Variants in R3HDM1 observed in about 807,000 individuals in gnomAD.
The protein encoded by R3HDM1 is R3H domain-containing protein 1.
A neutral mutation model predicts 141.1 loss-of-function variants in R3HDM1; 46 were observed. That is an observed-to-expected ratio of 0.33 (90% CI 0.26 to 0.42). The LOEUF (loss-of-function observed/expected upper bound fraction) is 0.42. Among genes scored for constraint, R3HDM1 ranks in the 10% least tolerant of loss-of-function variants. R3HDM1 has a pLI of 1.00. For missense variants in R3HDM1, 1,184 were observed against 1,368.3 expected (o/e 0.87, Z 2.12); for synonymous variants, 435 against 472.9 (o/e 0.92, Z 1.04).
chr2:135,670,281 G>T, intron 19 of R3HDM1: 3 of 983,356 alleles, frequency 3.1e-6, no homozygotes, highest in Non-Finnish European at 3.6e-6. Context: ...ACAGGGATTT[G>T]GGGCCAAATT....
rs1289578562 is a variant in R3HDM1, at chr2:135,723,825, A to ATT, written c.3050-109_3050-108dup. Reference sequence around the variant, plus strand: ...AAAAAAGATGGCCCTAACAGTTTTAATTTTGTGTATTCGAATGGTCATTTC... The same window carrying ATT: ...AAAAAAGATGGCCCTAACAGTTTTAATTTTTTGTGTATTCGAATGGTCATTTC... On this transcript the variant is annotated intron_variant, in intron 26 of 26. Coordinates refer to ENST00000683871, the MANE Select transcript of R3HDM1 (RefSeq NM_001378107.1). 7.6e-5 allele frequency: 41 copies of ATT among 537,360 alleles called. No homozygotes were observed. The East Asian group carries it at 1.6e-3, about 21-fold the overall frequency. 33.3% of individuals were successfully genotyped at this position (537,360 alleles called of 1,614,324 possible).
intron 1 of R3HDM1, among the ~76,000 whole-genome samples, chr2:135,532,909 T>G (rs1336232357): frequency 2.0e-5 from 3 of 152,242 alleles, no homozygotes; most frequent in African/African-American, 7.2e-5. Context: ...AATCATGGAT[T>G]CTATAGTCTG....
At chr2:135,572,936 A>G (rs1704475251) in intron 1 of R3HDM1, among the ~76,000 whole-genome samples, 1 of 152,216 alleles carries the variant, frequency 6.6e-6, no homozygotes, top group South Asian at 2.1e-4. Flanking sequence ...CCATTTATAT[A>G]AAATGCCTAG....
At chr2:135,624,706 A>G (rs1232443280) in intron 7 of R3HDM1, among the ~76,000 whole-genome samples, 1 of 152,264 alleles carries the variant, frequency 6.6e-6, no homozygotes, top group East Asian at 1.9e-4. Flanking sequence ...GGGCCATACC[A>G]TAATGAGATT....
At chr2:135,541,238 T>C (rs867509651) in intron 1 of R3HDM1, among the ~76,000 whole-genome samples, 142 of 152,236 alleles carry the variant, frequency 9.3e-4, no homozygotes, top group African/African-American at 3.0e-3. Flanking sequence ...TCTTGCTCTG[T>C]CACCCAGGCT....
At chr2:135,562,020 A>G (rs1035112696) in intron 1 of R3HDM1, among the ~76,000 whole-genome samples, 3 of 152,226 alleles carry the variant, frequency 2.0e-5, no homozygotes, top group African/African-American at 7.2e-5. Flanking sequence ...GTCTAGAGGA[A>G]TGGTCACCAG....
At chr2:135,616,877 T>C in intron 5 of R3HDM1, 120 bp downstream of exon 5, 1 of 843,204 alleles carries the variant, frequency 1.2e-6, no homozygotes, top group Non-Finnish European at 1.8e-6. Context: ...TATTCAATAA[T>C]ACTTGGCACC....
chr2:135,680,411 G>T, intron 21 of R3HDM1, 87 bp downstream of exon 21: 1 of 1,398,188 alleles, frequency 7.2e-7, no homozygotes, highest in South Asian at 1.3e-5. Flanking sequence ...TTGACTAAGG[G>T]GCATTACTTG....
intron 16 of R3HDM1, among the ~76,000 whole-genome samples, chr2:135,645,947 A>G (rs2064348947): frequency 6.6e-6 from 1 of 152,190 alleles, no homozygotes; most frequent in South Asian, 2.1e-4. Flanking sequence ...CATCCATTCT[A>G]CCTACCCTAT....
chr2:135,555,273 G>A (rs1053842220), intron 1 of R3HDM1, among the ~76,000 whole-genome samples: 4 of 149,726 alleles, frequency 2.7e-5, no homozygotes, highest in African/African-American at 9.9e-5. Context: ...CTCCAGCCTG[G>A]TGACAGAGCA....
chr2:135,639,002 A>G lies in R3HDM1; in HGVS notation c.1099A>G (p.Ser367Gly), dbSNP rs752986560. Residue 367 changes from serine to glycine, a missense_variant, in exon 14 of 27, where the codon AGC becomes GGC. Physicochemically the swap from Ser to Gly is moderately conservative, Grantham distance 56 (BLOSUM62 0). Transcript: ENST00000683871. The part of the protein sequence containing the change: ...PRPWSSTDSD[S>G]SLRNLKPAVT... ...ACCCTGGAGCAGCACAGATTCAGACAGCTCTCTTCGAAACCTGAAACCTGC... is the reference window on the plus strand; with the variant it reads ...ACCCTGGAGCAGCACAGATTCAGACGGCTCTCTTCGAAACCTGAAACCTGC... 1.2e-6 allele frequency: 2 copies of G among 1,614,220 alleles called. No individual in the cohort carries two copies. Among genetic ancestry groups the G allele is most frequent in the Non-Finnish European group, 1.7e-6 (2 of 1,180,034 alleles).
In R3HDM1 at chr2:135,616,543, G is replaced by A. The variant is rs556406096; in HGVS notation, c.214-125G>A. On this transcript the variant is annotated intron_variant, in intron 4 of 26. Transcript: ENST00000683871. ...TAGTGTTTAATGATATATTTAACTT[G>A]CACATTTCATCTACTGTTATACATG... 5.3e-6 allele frequency: 4 copies of A among 748,212 alleles called. No individual in the cohort carries two copies. In the South Asian group the frequency reaches 8.9e-5, roughly 17 times the overall value. 46.3% of individuals were successfully genotyped at this position (748,212 alleles called of 1,614,324 possible). A position where few individuals can be genotyped will look rare whatever the true frequency, so the allele number is the denominator to read the frequency against.
chr2:135,563,967 C>G (rs1369286587), intron 1 of R3HDM1, among the ~76,000 whole-genome samples: 1 of 152,090 alleles, frequency 6.6e-6, no homozygotes, highest in Non-Finnish European at 1.5e-5. Flanking sequence ...ATGGTGAGAG[C>G]AGGAGCAAGA....
intron 21 of R3HDM1, among the ~76,000 whole-genome samples, chr2:135,702,744 G>T (rs1038206317): frequency 1.4e-4 from 21 of 151,964 alleles, no homozygotes; most frequent in African/African-American, 5.1e-4. Flanking sequence ...TTGAACTTGG[G>T]AGGTGGAGGT....
chr2:135,545,648 A>C (rs183447449), intron 1 of R3HDM1, among the ~76,000 whole-genome samples: 1 of 152,304 alleles, frequency 6.6e-6, no homozygotes, highest in Admixed American at 6.5e-5. Flanking sequence ...AAAAGTACAT[A>C]AAGAATACTG....
rs367765046 is a variant in R3HDM1 at position 135,639,085 on chromosome 2, T to G, written c.1182T>G (p.Ser394=). 3.3e-5 allele frequency: 53 copies of G among 1,614,082 alleles called. No individual in the cohort carries two copies. The highest frequency in any genetic ancestry group is 4.2e-5 in the Non-Finnish European group (50 of 1,180,028). The change falls in exon 14 of 27, where the codon TCT becomes TCG. Residue 394 remains serine (S), a synonymous_variant. Coordinates refer to ENST00000683871, the MANE Select transcript of R3HDM1 (RefSeq NM_001378107.1). The part of the protein sequence containing the change: ...GISVLTRGDS[S]GSSKSIGRLS... ...CAGTCCTGACAAGAGGTGATAGTTCTGGAAGCAGCAAAAGCATAGGCAGGC... is the reference window on the plus strand; with the variant it reads ...CAGTCCTGACAAGAGGTGATAGTTCGGGAAGCAGCAAAAGCATAGGCAGGC...
At chr2:135,669,162 G>T in intron 19 of R3HDM1, 1 of 984,752 alleles carries the variant, frequency 1.0e-6, no homozygotes. Context: ...AGGCAAGGAA[G>T]TGTAACTTTG....
rs780104807 is a variant in R3HDM1, at chr2:135,720,799, G to A, written c.2882-1125G>A. 2.0e-5 allele frequency among the ~76,000 whole-genome samples: 3 copies of A among 152,294 alleles called. No individual in the cohort carries two copies. The South Asian group carries it at 6.2e-4, about 32-fold the overall frequency. On this transcript the variant is annotated intron_variant, in intron 24 of 26. Coordinates refer to ENST00000683871, the MANE Select transcript of R3HDM1 (RefSeq NM_001378107.1). ...TTTGAGTATATGTAAATGTGTACAT[G>A]CATATATTATATGCATAAATTTTTA...
chr2:135,638,840 T>C, intron 13 of R3HDM1, 51 bp downstream of exon 13: 1 of 1,611,554 alleles, frequency 6.2e-7, no homozygotes, highest in South Asian at 1.1e-5. Flanking sequence ...AGCATTTTTT[T>C]CTTTACTTTT....
Sources: gnomAD v4.1 joint callset for allele counts (sites outside exome capture counted in the v4.1 genomes callset) on GRCh38, gnomAD v4.1.1 for gene constraint, MANE v1.5 for transcripts, NCBI Gene and HGNC (gene_info 2026-07-23, HGNC 2026-07-21) for gene names.